Variants in CFAP107 observed in about 807,000 individuals in gnomAD.
CFAP107 encodes the protein cilia- and flagella-associated protein 107.
the CFAP107 span, among the ~76,000 whole-genome samples, chr1:12,749,516 T>G: frequency 6.6e-6 from 1 of 152,000 alleles, no homozygotes; most frequent in African/African-American, 2.4e-5. Flanking sequence ...GAGGCTGAGG[T>G]GGGAGGATCA....
the CFAP107 span, chr1:12,760,834 C>T: frequency 6.2e-7 from 1 of 1,614,166 alleles, no homozygotes; most frequent in South Asian, 1.1e-5. Flanking sequence ...CCAAGGCTGG[C>T]CTGAAGCAGA....
the CFAP107 span, among the ~76,000 whole-genome samples, chr1:12,749,693 A>G: frequency 6.6e-6 from 1 of 152,212 alleles, no homozygotes; most frequent in Non-Finnish European, 1.5e-5. Flanking sequence ...AGGCAGTGGG[A>G]TAATACATTT....
the CFAP107 span, among the ~76,000 whole-genome samples, chr1:12,756,217 G>C: frequency 6.6e-6 from 1 of 152,282 alleles, no homozygotes; most frequent in South Asian, 2.1e-4. Flanking sequence ...CTGTTCTTTC[G>C]CATGAAAAGT....
chr1:12,754,705 A>G, the CFAP107 span, among the ~76,000 whole-genome samples: 10 of 152,336 alleles, frequency 6.6e-5, no homozygotes, highest in African/African-American at 1.2e-4. Context: ...GACACATGCT[A>G]TCAAATGGAT....
At chr1:12,760,533 G>C in the CFAP107 span, among the ~76,000 whole-genome samples, 1 of 152,200 alleles carries the variant, frequency 6.6e-6, no homozygotes, top group African/African-American at 2.4e-5. Context: ...CCCCGTGGCA[G>C]AGCCTGATCT....
At chr1:12,747,839 C>T in the CFAP107 span, among the ~76,000 whole-genome samples, 3 of 152,152 alleles carry the variant, frequency 2.0e-5, no homozygotes, top group African/African-American at 7.2e-5. Flanking sequence ...GATGGTCTCA[C>T]ACCTAGAGAA....
the CFAP107 span, among the ~76,000 whole-genome samples, chr1:12,751,523 A>T: frequency 6.6e-6 from 1 of 152,176 alleles, no homozygotes; most frequent in African/African-American, 2.4e-5. Flanking sequence ...ACTACTAGGG[A>T]GACTGAGGCA....
the CFAP107 span, chr1:12,760,916 C>T: frequency 6.2e-7 from 1 of 1,613,768 alleles, no homozygotes; most frequent in South Asian, 1.1e-5. Flanking sequence ...GGTCCCGGTC[C>T]CTCCCCATCG....
the CFAP107 span, among the ~76,000 whole-genome samples, chr1:12,757,798 T>A: frequency 1.3e-5 from 2 of 152,104 alleles, no homozygotes; most frequent in Non-Finnish European, 2.9e-5. Context: ...TTCTGTTTGC[T>A]TCATGTTGCC....
chr1:12,749,326 G>A, the CFAP107 span, among the ~76,000 whole-genome samples: 1 of 152,180 alleles, frequency 6.6e-6, no homozygotes, highest in Non-Finnish European at 1.5e-5. Flanking sequence ...AGATTGTTAT[G>A]GGATTGACAG....
chr1:12,755,891 G>C, the CFAP107 span: 1 of 965,560 alleles, frequency 1.0e-6, no homozygotes, highest in Non-Finnish European at 1.6e-6. Flanking sequence ...GCTTCTTATA[G>C]GCTTAGTACC....
the CFAP107 span, chr1:12,761,123 A>C: frequency 1.7e-6 from 1 of 586,144 alleles, no homozygotes; most frequent in Non-Finnish European, 2.9e-6. Flanking sequence ...CTCAAAACCC[A>C]CAGGTTCCTT....
chr1:12,748,474 A>C, the CFAP107 span, among the ~76,000 whole-genome samples: 45,916 of 149,972 alleles, frequency 0.31, 7,574 homozygotes, highest in African/African-American at 0.45. Context: ...AAAAAAAAAA[A>C]AAAAAACCAC....
At chr1:12,759,463 G>A in the CFAP107 span, 6 of 1,614,174 alleles carry the variant, frequency 3.7e-6, no homozygotes, top group Non-Finnish European at 5.1e-6. Context: ...GTGGCTGCCA[G>A]AGAAGTCTGA....
At chr1:12,752,472 C>A in the CFAP107 span, among the ~76,000 whole-genome samples, 1 of 141,582 alleles carries the variant, frequency 7.1e-6, no homozygotes, top group East Asian at 2.1e-4. Context: ...GTAGTCCCAG[C>A]TTGAAAATTG....
At chr1:12,757,375 T>C in the CFAP107 span, among the ~76,000 whole-genome samples, 9 of 145,288 alleles carry the variant, frequency 6.2e-5, no homozygotes, top group Admixed American at 5.5e-4. Context: ...TTCTTTTTTT[T>C]CCTTTTTTTC....
At chr1:12,753,125 C>A in the CFAP107 span, among the ~76,000 whole-genome samples, 1 of 151,844 alleles carries the variant, frequency 6.6e-6, no homozygotes, top group East Asian at 1.9e-4. Context: ...ACAGTAACAT[C>A]AAAAAATAAA....
At chr1:12,746,495 A>G in the CFAP107 span, 3 of 1,613,794 alleles carry the variant, frequency 1.9e-6, no homozygotes, top group Non-Finnish European at 2.5e-6. Flanking sequence ...GAGACCAAGT[A>G]TTCAACGAAA....
the CFAP107 span, chr1:12,759,199 C>T: frequency 3.2e-6 from 4 of 1,262,264 alleles, no homozygotes; most frequent in Non-Finnish European, 4.5e-6. Flanking sequence ...CGGATGCCCG[C>T]TCTCTCCATC....
Sources: gnomAD v4.1 joint callset for allele counts (sites outside exome capture counted in the v4.1 genomes callset) on GRCh38, gnomAD v4.1.1 for gene constraint, MANE v1.5 for transcripts, NCBI Gene and HGNC (gene_info 2026-07-23, HGNC 2026-07-21) for gene names.